The following CRK variants were observed in gnomAD, a reference collection of about 807,000 sequenced individuals.
The protein encoded by CRK is CRK proto-oncogene, adaptor protein, also known as adapter molecule crk.
Under a neutral mutation model 29.8 loss-of-function variants are expected in CRK, and 4 were observed. That is an observed-to-expected ratio of 0.13 (90% CI 0.07 to 0.31). The LOEUF is 0.31. CRK is among the 10% of genes least tolerant of loss of function. The pLI is 1.00. For missense variants in CRK, 274 were observed against 396.5 expected (o/e 0.69, Z 2.62); for synonymous variants, 153 against 164.9 (o/e 0.93, Z 0.55).
At chr17:1,443,118 A>G (rs2073948060) in intron 1 of CRK, among the ~76,000 whole-genome samples, 1 of 151,416 alleles carries the variant, frequency 6.6e-6, no homozygotes, top group South Asian at 2.1e-4. Flanking sequence ...AACTGAGATT[A>G]CAGGCGGCCA....
chr17:1,443,950 T>A (rs940459128), intron 1 of CRK, among the ~76,000 whole-genome samples: 9 of 151,756 alleles, frequency 5.9e-5, no homozygotes, highest in African/African-American at 2.2e-4. Flanking sequence ...TCCGCCCGCC[T>A]CGGCCTCCCA....
intron 2 of CRK, among the ~76,000 whole-genome samples, chr17:1,433,782 G>A (rs2073865255): frequency 1.3e-5 from 2 of 149,244 alleles, no homozygotes; most frequent in African/African-American, 2.5e-5. Context: ...GCCTTCCAAA[G>A]TGCTGAGATT....
At chr17:1,451,639 C>T (rs2074019252) in intron 1 of CRK, among the ~76,000 whole-genome samples, 1 of 152,062 alleles carries the variant, frequency 6.6e-6, no homozygotes, top group Non-Finnish European at 1.5e-5. Flanking sequence ...GGCTGCCTGC[C>T]CCAAAGTTAA....
intron 1 of CRK, among the ~76,000 whole-genome samples, chr17:1,444,019 C>T (rs899596083): frequency 1.5e-4 from 22 of 150,516 alleles, no homozygotes; most frequent in Non-Finnish European, 2.4e-4. Context: ...TTTTTAATAA[C>T]GGGGTTTTGC....
chr17:1,420,830 T>C lies in CRK; in HGVS notation c.*2683A>G, dbSNP rs1042067810. 16 of 152,178 alleles carry C rather than the reference T, an allele frequency of 1.1e-4. No homozygotes were observed. The highest frequency in any genetic ancestry group is 1.0e-3 in the Admixed American group (16 of 15,254). 9.4% of individuals were successfully genotyped at this position (152,178 alleles called of 1,614,324 possible). The stretch of plus-strand genomic sequence containing the variant: ...GTCAAGAAAGTGTATAGTGTTATAA[T>C]ACAATGGCACATGTTTATATTTTAT... On this transcript the variant is annotated 3_prime_UTR_variant, in exon 3 of 3. Coordinates refer to ENST00000300574, the MANE Select transcript of CRK (RefSeq NM_016823.4).
chr17:1,427,623 T>G (rs145696367), intron 2 of CRK, among the ~76,000 whole-genome samples: 1 of 151,270 alleles, frequency 6.6e-6, no homozygotes, highest in Non-Finnish European at 1.5e-5. Context: ...CAATGTTATA[T>G]TGTCTTTATT....
At chr17:1,445,145 C>CAA (rs35590167) in intron 1 of CRK, among the ~76,000 whole-genome samples, 16 of 140,620 alleles carry the variant, frequency 1.1e-4, no homozygotes, top group Admixed American at 9.3e-4. Context: ...GAGACACCGT[C>CAA]AAAAAAAAAA....
intron 2 of CRK, among the ~76,000 whole-genome samples, chr17:1,429,493 G>C (rs917257053): frequency 1.3e-5 from 2 of 151,222 alleles, no homozygotes; most frequent in Non-Finnish European, 3.0e-5. Context: ...AGTCTGGTAT[G>C]CAACTCCTGA....
In CRK at chr17:1,422,167, CTTTTTTT is replaced by C. The variant is rs561230915; in HGVS notation, c.*1339_*1345del. Reference sequence around the variant, plus strand: ...AACATTTTTTTTTCTTTTTTTTTTCCTTTTTTTTTTTTTTGAGACTGAGTCTTGCCCT... The same window carrying C: ...AACATTTTTTTTTCTTTTTTTTTTCCTTTTTTTGAGACTGAGTCTTGCCCT... On this transcript the variant is annotated 3_prime_UTR_variant, in exon 3 of 3. Transcript: ENST00000300574. The C allele has an allele frequency of 7.2e-6, 1 of 139,500 alleles. No individual in the cohort carries two copies. Among genetic ancestry groups the C allele is most frequent in the African/African-American group, 2.6e-5 (1 of 38,050 alleles). The allele number at this position is 139,500 out of a possible 1,614,324, so 8.6% of individuals were successfully genotyped here. A position where few individuals can be genotyped will look rare whatever the true frequency, so the allele number is the denominator to read the frequency against.
chr17:1,433,440 G>C (rs933396665), intron 2 of CRK, among the ~76,000 whole-genome samples: 3 of 151,410 alleles, frequency 2.0e-5, no homozygotes, highest in Admixed American at 6.6e-5. Context: ...CAACCTCCTA[G>C]GCTCAAGCAG....
intron 1 of CRK, 109 bp downstream of exon 1, chr17:1,455,768 G>A (rs1273976697): frequency 1.5e-6 from 2 of 1,348,812 alleles, no homozygotes; most frequent in Non-Finnish European, 1.9e-6. Flanking sequence ...CGGTCACCCA[G>A]CCCTCTGCCC....
chr17:1,425,312 T>C (rs1196215787), intron 2 of CRK, among the ~76,000 whole-genome samples: 1 of 151,878 alleles, frequency 6.6e-6, no homozygotes, highest in Non-Finnish European at 1.5e-5. Context: ...CAAGATGGTC[T>C]CGATCTCCTG....
intron 1 of CRK, among the ~76,000 whole-genome samples, chr17:1,442,373 A>G (rs1174762813): frequency 6.6e-6 from 1 of 151,886 alleles, no homozygotes; most frequent in Non-Finnish European, 1.5e-5. Flanking sequence ...GCTGGTCTCA[A>G]ACTCCTGGGC....
chr17:1,447,913 G>A (rs2073987404), intron 1 of CRK, among the ~76,000 whole-genome samples: 2 of 151,902 alleles, frequency 1.3e-5, no homozygotes, highest in Admixed American at 6.6e-5. Context: ...CACCACACCC[G>A]GCCCTCTTTT....
intron 1 of CRK, among the ~76,000 whole-genome samples, chr17:1,441,726 G>A (rs2073936591): frequency 6.6e-6 from 1 of 151,762 alleles, no homozygotes; most frequent in East Asian, 1.9e-4. Context: ...TCCTGACCTC[G>A]TGATCCATCC....
At chr17:1,428,143 GT>G (rs1380817966) in intron 2 of CRK, among the ~76,000 whole-genome samples, 2 of 144,490 alleles carry the variant, frequency 1.4e-5, no homozygotes, top group African/African-American at 5.2e-5. Flanking sequence ...TTTTAATGGA[GT>G]TTTTGCTCTT....
rs1026064199 is a variant in CRK at position 1,422,972 on chromosome 17, T to C, written c.*541A>G. 1.0e-5 allele frequency: 4 copies of C among 398,984 alleles called. No individual in the cohort carries two copies. Among genetic ancestry groups the C allele is most frequent in the South Asian group, 1.3e-4 (1 of 7,870 alleles). 24.7% of individuals were successfully genotyped at this position (398,984 alleles called of 1,614,324 possible). The stretch of plus-strand genomic sequence containing the variant: ...ACTAGGAGGGAACAAATGCTTCTAG[T>C]AGTGTTCTTAGAATTCTTAGGATCT... On this transcript the variant is annotated 3_prime_UTR_variant, in exon 3 of 3. Coordinates refer to ENST00000300574, the MANE Select transcript of CRK (RefSeq NM_016823.4).
At chr17:1,454,969 ACT>A (rs1476179881) in intron 1 of CRK, among the ~76,000 whole-genome samples, 1 of 152,150 alleles carries the variant, frequency 6.6e-6, no homozygotes, top group Middle Eastern at 3.2e-3. Flanking sequence ...ATCCAGGAAG[ACT>A]CAGCCCGCAG....
chr17:1,433,681 G>C (rs1375240294), intron 2 of CRK, among the ~76,000 whole-genome samples: 1 of 151,820 alleles, frequency 6.6e-6, no homozygotes, highest in African/African-American at 2.4e-5. Flanking sequence ...ACCACGCCTG[G>C]CTAATTTTTG....
Sources: gnomAD v4.1 joint callset for allele counts (sites outside exome capture counted in the v4.1 genomes callset) on GRCh38, gnomAD v4.1.1 for gene constraint, MANE v1.5 for transcripts, NCBI Gene and HGNC (gene_info 2026-07-23, HGNC 2026-07-21) for gene names.